Variants in FBXO34 observed in about 807,000 individuals in gnomAD.
The protein encoded by FBXO34 is F-box only protein 34.
In FBXO34, 12 loss-of-function variants were observed where a neutral mutation model predicts 24.5. That is an observed-to-expected ratio of 0.49 (90% CI 0.31 to 0.79). The LOEUF is 0.79. Ranked by LOEUF, FBXO34 falls within the 30% of genes least tolerant of loss-of-function variation. The pLI is 0.04. For synonymous variants in FBXO34, 320 were observed against 311.9 expected (o/e 1.03, Z -0.27); for missense variants, 823 against 857.7 (o/e 0.96, Z 0.51).
the FBXO34 span, chr14:55,424,348 C>A: frequency 4.0e-3 from 2,957 of 738,008 alleles, 19 homozygotes; most frequent in African/African-American, 0.022. Flanking sequence ...CATATTAAAG[C>A]AGTTGTAAAT....
chr14:55,275,497 T>C (rs1881303774), intron 1 of FBXO34, among the ~76,000 whole-genome samples: 1 of 151,926 alleles, frequency 6.6e-6, no homozygotes, highest in Non-Finnish European at 1.5e-5. Flanking sequence ...GTCTTGGGTG[T>C]GAGAGGCTAG....
downstream of FBXO34, among the ~76,000 whole-genome samples, chr14:55,358,457 C>T (rs1240884798): frequency 1.3e-5 from 2 of 152,186 alleles, no homozygotes; most frequent in East Asian, 1.9e-4. Context: ...ATCCTCCCAC[C>T]CTCTGTACTG....
the FBXO34 span, among the ~76,000 whole-genome samples, chr14:55,421,399 C>G: frequency 6.6e-6 from 1 of 152,180 alleles, no homozygotes; most frequent in Non-Finnish European, 1.5e-5. Context: ...TTAGTGCCAT[C>G]TGAGGAATTG....
intron 1 of FBXO34, among the ~76,000 whole-genome samples, chr14:55,281,409 G>T (rs766439235): frequency 1.2e-4 from 18 of 148,968 alleles, no homozygotes; most frequent in Admixed American, 1.2e-3. Flanking sequence ...TCTCTATGAC[G>T]TTTTTTTATA....
At chr14:55,417,528 ACTGCAACCT>A in the FBXO34 span, among the ~76,000 whole-genome samples, 1 of 148,094 alleles carries the variant, frequency 6.8e-6, no homozygotes, top group Non-Finnish European at 1.5e-5. Context: ...ATCTCAGCTC[ACTGCAACCT>A]CTGCCTCCTG....
At chr14:55,386,217 T>C in the FBXO34 span, 4 of 797,212 alleles carry the variant, frequency 5.0e-6, no homozygotes, top group Non-Finnish European at 7.9e-6. Context: ...AAAACCTGAA[T>C]AATATAATGT....
intron 1 of FBXO34, among the ~76,000 whole-genome samples, chr14:55,304,409 G>C (rs185063461): frequency 2.6e-5 from 4 of 151,932 alleles, no homozygotes; most frequent in Non-Finnish European, 4.4e-5. Flanking sequence ...GCCCGGGCTG[G>C]TATAAAACTC....
the FBXO34 span, among the ~76,000 whole-genome samples, chr14:55,418,095 C>T: frequency 6.6e-6 from 1 of 152,176 alleles, no homozygotes; most frequent in South Asian, 2.1e-4. Flanking sequence ...ATACTTCCAG[C>T]TTAGGGACAT....
chr14:55,369,504 C>CACTT, downstream of FBXO34: 1 of 1,062,038 alleles, frequency 9.4e-7, no homozygotes, highest in Non-Finnish European at 1.3e-6. Context: ...AACAAAACAA[C>CACTT]ACTTTAACCT....
the FBXO34 span, among the ~76,000 whole-genome samples, chr14:55,378,983 C>T: frequency 6.6e-6 from 1 of 152,078 alleles, no homozygotes; most frequent in African/African-American, 2.4e-5. Context: ...GCTGGGATTA[C>T]AGGCAGGCAT....
chr14:55,300,684 T>C (rs1882323588), intron 1 of FBXO34, among the ~76,000 whole-genome samples: 1 of 152,230 alleles, frequency 6.6e-6, no homozygotes. Context: ...CACGTTCTTA[T>C]GTCCTGTATT....
chr14:55,432,136 A>C, the FBXO34 span, among the ~76,000 whole-genome samples: 1 of 151,982 alleles, frequency 6.6e-6, no homozygotes, highest in Non-Finnish European at 1.5e-5. Context: ...GGCCAGATGT[A>C]GTAGCTCACG....
chr14:55,382,973 AAG>A, the FBXO34 span, among the ~76,000 whole-genome samples: 35 of 152,364 alleles, frequency 2.3e-4, no homozygotes, highest in African/African-American at 8.4e-4. Context: ...AAAATTAGTA[AAG>A]AGTGACACTG....
At chr14:55,433,787 C>A in the FBXO34 span, 1 of 1,436,068 alleles carries the variant, frequency 7.0e-7, no homozygotes, top group South Asian at 1.3e-5. Context: ...GTTGAAAAAG[C>A]CGAGCTGAAT....
the FBXO34 span, among the ~76,000 whole-genome samples, chr14:55,415,830 C>T: frequency 0.056 from 8,583 of 152,224 alleles, 321 homozygotes; most frequent in South Asian, 0.083. Context: ...CGCACCATTA[C>T]ACTCCAGCCT....
At chr14:55,285,628 TAGA>T (rs1881736059) in intron 1 of FBXO34, 1 of 152,140 alleles carries the variant, frequency 6.6e-6, no homozygotes, top group Non-Finnish European at 1.5e-5. Flanking sequence ...GGGACATAAC[TAGA>T]AGGAGAACAT....
chr14:55,293,756 T>C (rs1882025623), intron 1 of FBXO34, among the ~76,000 whole-genome samples: 1 of 152,160 alleles, frequency 6.6e-6, no homozygotes, highest in Admixed American at 6.5e-5. Context: ...TCTGTATCCT[T>C]AGCACGGAAA....
At chr14:55,280,613 G>A (rs1440954051) in intron 1 of FBXO34, among the ~76,000 whole-genome samples, 2 of 144,830 alleles carry the variant, frequency 1.4e-5, no homozygotes, top group East Asian at 2.0e-4. Context: ...TGCAAGCTCC[G>A]CCTCCCAGGT....
downstream of FBXO34, among the ~76,000 whole-genome samples, chr14:55,370,743 C>A (rs556657895): frequency 6.6e-6 from 1 of 151,284 alleles, no homozygotes; most frequent in African/African-American, 2.4e-5. Context: ...CAGGTGCAAG[C>A]GATTCTCCTG....
Sources: allele counts gnomAD v4.1 joint callset (sites outside exome capture counted in the v4.1 genomes callset), GRCh38; gene constraint gnomAD v4.1.1; transcripts MANE v1.5; gene names NCBI Gene and HGNC (gene_info 2026-07-23, HGNC 2026-07-21).